RAB14: variants seen among roughly 807,000 people sequenced by gnomAD.
The protein encoded by RAB14 is ras-related protein Rab-14.
A neutral mutation model predicts 31.1 loss-of-function variants in RAB14; 3 were observed. The ratio of observed to expected loss-of-function variants is 0.10; its 90% CI spans 0.04 to 0.25. The LOEUF is 0.25. RAB14 is among the 10% of genes least tolerant of loss of function. The pLI is 1.00. For synonymous variants in RAB14, 85 were observed against 84.9 expected, an observed-to-expected ratio of 1.00 and a Z score of 0.00; for missense variants, 111 against 260.1, an observed-to-expected ratio of 0.43 and a Z score of 3.94.
chr9:121,198,119 G>A (rs1214007302), intron 1 of RAB14, among the ~76,000 whole-genome samples: 2 of 152,000 alleles, frequency 1.3e-5, no homozygotes, highest in African/African-American at 4.8e-5. Flanking sequence ...ACAGGGAATA[G>A]AGAAATTATT....
rs1006880085 is a variant in RAB14 at position 121,197,763 on chromosome 9, G to A, written c.-8+3876C>T. Among the ~76,000 whole-genome samples the A allele has an allele frequency of 3.3e-5, 5 of 152,200 alleles. No individual in the cohort carries two copies. The South Asian group carries it at 1.0e-3, about 32-fold the overall frequency. The stretch of plus-strand genomic sequence containing the variant: ...TCCAAATCATCCTTTGGCCCAGAAA[G>A]TATCCTACATATACAAAAGCTTCAG... On this transcript the variant is annotated intron_variant, in intron 1 of 7. Transcript: ENST00000373840.
In RAB14 at chr9:121,178,500, T is replaced by TGTTC. The variant is rs998240112; in HGVS notation, c.*2895_*2896insGAAC. On this transcript the variant is annotated 3_prime_UTR_variant, in exon 8 of 8. Coordinates refer to ENST00000373840, the MANE Select transcript of RAB14 (RefSeq NM_016322.4). ...TAATTATTTGGTCTTTTCTTCTGTT[T>TGTTC]AGGGGAATGAACTGAACCACTCATT... 2.6e-5 allele frequency: 4 copies of TGTTC among 152,560 alleles called. No individual in the cohort carries two copies. Among genetic ancestry groups the TGTTC allele is most frequent in the African/African-American group, 9.7e-5 (4 of 41,410 alleles). 9.5% of individuals were successfully genotyped at this position (152,560 alleles called of 1,614,324 possible).
intron 7 of RAB14, among the ~76,000 whole-genome samples, chr9:121,181,775 G>T (rs1396428308): frequency 1.7e-5 from 2 of 118,280 alleles, no homozygotes; most frequent in African/African-American, 3.0e-5. Flanking sequence ...TTGAGACAGA[G>T]ACTCACTCTG....
At chr9:121,197,001 T>C (rs1256821514) in intron 1 of RAB14, among the ~76,000 whole-genome samples, 3 of 152,154 alleles carry the variant, frequency 2.0e-5, no homozygotes, top group Admixed American at 6.5e-5. Flanking sequence ...GCCAATGTTA[T>C]AAAGTTTGTA....
intron 1 of RAB14, among the ~76,000 whole-genome samples, chr9:121,195,582 C>T (rs779686862): frequency 6.6e-6 from 1 of 152,066 alleles, no homozygotes; most frequent in Non-Finnish European, 1.5e-5. Flanking sequence ...GAAAATGTAT[C>T]TTAAAATTAC....
chr9:121,196,662 G>C (rs1441220205), intron 1 of RAB14, among the ~76,000 whole-genome samples: 2 of 151,982 alleles, frequency 1.3e-5, no homozygotes, highest in African/African-American at 4.8e-5. Flanking sequence ...CCTCCACATG[G>C]TTATCAGCTG....
At chr9:121,194,747 A>G (rs938012579) in intron 1 of RAB14, among the ~76,000 whole-genome samples, 2 of 152,168 alleles carry the variant, frequency 1.3e-5, no homozygotes, top group African/African-American at 4.8e-5. Context: ...ACTATATACC[A>G]TATTTCAAGC....
At chr9:121,194,390 T>C (rs1230959331) in intron 1 of RAB14, among the ~76,000 whole-genome samples, 1 of 152,158 alleles carries the variant, frequency 6.6e-6, no homozygotes, top group Admixed American at 6.5e-5. Flanking sequence ...TACCCTCAAA[T>C]AGACTTAACC....
Position 121,201,368 on chromosome 9 carries a change from T to G in RAB14, c.-8+271A>C, listed in dbSNP as rs372982337. On this transcript the variant is annotated intron_variant, in intron 1 of 7. Coordinates refer to ENST00000373840, the MANE Select transcript of RAB14 (RefSeq NM_016322.4). Reference sequence around the variant, plus strand: ...GGCGAGGCCGGAACACACCCTTCCCTGCACGCCTCGGAGCGCCCCGCCGGT... The same window carrying G: ...GGCGAGGCCGGAACACACCCTTCCCGGCACGCCTCGGAGCGCCCCGCCGGT... 5.3e-4 allele frequency among the ~76,000 whole-genome samples: 80 copies of G among 152,142 alleles called. No individual in the cohort carries two copies. In the East Asian group the frequency reaches 0.014, roughly 27 times the overall value.
chr9:121,189,691 A>G lies in RAB14; in HGVS notation c.284+863T>C, dbSNP rs533743488. On this transcript the variant is annotated intron_variant, in intron 4 of 7. Coordinates refer to ENST00000373840, the MANE Select transcript of RAB14 (RefSeq NM_016322.4). The stretch of plus-strand genomic sequence containing the variant: ...CTGCAGAACTTCCCAGAGTCTTAAT[A>G]TGCTAACGCACATTATGACACATCA... Among the ~76,000 whole-genome samples, 27 of 152,294 alleles carry G rather than the reference A, an allele frequency of 1.8e-4. No individual in the cohort carries two copies. The East Asian group carries it at 4.4e-3, about 25-fold the overall frequency.
chr9:121,183,024 G>C (rs190444005), intron 6 of RAB14, 64 bp from the exon 7 acceptor site: 1 of 1,468,040 alleles, frequency 6.8e-7, no homozygotes, highest in Admixed American at 2.0e-5. Flanking sequence ...CACTTCTTTA[G>C]TAACATCTGA....
intron 1 of RAB14, among the ~76,000 whole-genome samples, chr9:121,201,272 CG>C (rs1237811215): frequency 6.6e-6 from 1 of 152,174 alleles, no homozygotes; most frequent in Non-Finnish European, 1.5e-5. Flanking sequence ...GCTGCGGCCG[CG>C]GGGAACAGCG....
rs796409191 is a variant in RAB14 at position 121,181,158 on chromosome 9, A to G, written c.*238T>C. 49 of 362,512 alleles carry G rather than the reference A, an allele frequency of 1.4e-4. No homozygotes were observed. The highest frequency in any genetic ancestry group is 3.5e-4 in the African/African-American group (17 of 48,126). 22.5% of individuals were successfully genotyped at this position (362,512 alleles called of 1,614,324 possible). On this transcript the variant is annotated 3_prime_UTR_variant, in exon 8 of 8. Transcript: ENST00000373840. ...CATACTTATCACGAGGACAAGGGGG[A>G]AAAAAAGTCTAGATTTACCATGCAG...
chr9:121,201,420 A>G (rs1049170925), intron 1 of RAB14, among the ~76,000 whole-genome samples: 3 of 151,974 alleles, frequency 2.0e-5, no homozygotes, highest in African/African-American at 7.2e-5. Flanking sequence ...CTCAGGCCGG[A>G]GCCGCGCAGG....
At chr9:121,200,520 G>A (rs2053757168) in intron 1 of RAB14, among the ~76,000 whole-genome samples, 1 of 152,142 alleles carries the variant, frequency 6.6e-6, no homozygotes, top group Admixed American at 6.5e-5. Context: ...TGAAATCCTG[G>A]CATCTCTCCT....
At chr9:121,183,063 C>T (rs2053641899) in intron 6 of RAB14, 103 bp from the exon 7 acceptor site, 3 of 1,078,922 alleles carry the variant, frequency 2.8e-6, no homozygotes, top group Non-Finnish European at 2.7e-6. Flanking sequence ...TTTAGTACTC[C>T]TCCCATAGTA....
chr9:121,193,926 C>T (rs955156201), intron 1 of RAB14, among the ~76,000 whole-genome samples: 3 of 152,078 alleles, frequency 2.0e-5, no homozygotes, highest in Non-Finnish European at 2.9e-5. Flanking sequence ...CGTTTTTACT[C>T]TACTTTAAAT....
At chr9:121,189,904 A>C (rs1222566781) in intron 4 of RAB14, among the ~76,000 whole-genome samples, 2 of 152,124 alleles carry the variant, frequency 1.3e-5, no homozygotes, top group Admixed American at 6.6e-5. Context: ...TGCAGGGTCT[A>C]ATCAAGTGGC....
chr9:121,181,659 T>C, intron 7 of RAB14, 86 bp from the exon 8 acceptor site: 2 of 1,062,210 alleles, frequency 1.9e-6, no homozygotes, highest in East Asian at 2.5e-5. Flanking sequence ...TTTAGTTAAC[T>C]GCCATGATGT....
Sources: gnomAD v4.1 joint callset for allele counts (sites outside exome capture counted in the v4.1 genomes callset) on GRCh38, gnomAD v4.1.1 for gene constraint, MANE v1.5 for transcripts, NCBI Gene and HGNC (gene_info 2026-07-23, HGNC 2026-07-21) for gene names.